TTN: variants seen among roughly 807,000 people sequenced by gnomAD.
TTN encodes the protein connectin.
TTN carries 1,525 observed loss-of-function variants against 3,223.0 expected under a neutral mutation model. The observed-to-expected ratio is 0.47, with a 90% CI of 0.45 to 0.49. The LOEUF (loss-of-function observed/expected upper bound fraction) is 0.49. Ranked by LOEUF, TTN falls within the 20% of genes least tolerant of loss-of-function variation. TTN has a pLI of 0.00. For missense variants in TTN, 40,786 were observed against 43,424.0 expected (o/e 0.94, Z 5.40); for synonymous variants, 14,094 against 15,161.0 (o/e 0.93, Z 5.17).
At chr2:178,794,240 T>C (rs569631078) in intron 8 of TTN, among the ~76,000 whole-genome samples, 159 bp downstream of exon 8, 13 of 152,364 alleles carry the variant, frequency 8.5e-5, no homozygotes, top group African/African-American at 2.9e-4. Context: ...CGACCACCTT[T>C]TGCTCAGAAA....
chr2:178,713,800 G>A (rs2077051934), intron 92 of TTN, 97 bp downstream of exon 92: 1 of 1,438,720 alleles, frequency 7.0e-7, no homozygotes, highest in African/African-American at 1.4e-5. Flanking sequence ...TCGGACTCAT[G>A]TTATCCTATA....
rs794727409 is a variant in TTN, at chr2:178,587,696, T to C, written c.63613A>G (p.Lys21205Glu). ...FAIVRGRPAPKVTWRKVGIDN... is the reference protein window; with the variant it reads ...FAIVRGRPAPEVTWRKVGIDN... The stretch of plus-strand genomic sequence containing the variant: ...ATGCCAACTTTTCGCCAAGTGACTT[T>C]AGGGGCTGGTCGTCCTCTCACTATA... The change falls in exon 306 of 363, where the codon AAA (lysine) becomes GAA (glutamate). Residue 21205 changes from lysine to glutamate, a missense_variant. Physicochemically the swap from Lys to Glu is moderately conservative, Grantham distance 56. Coordinates refer to ENST00000589042, the MANE Select transcript of TTN (RefSeq NM_001267550.2). 6.2e-6 allele frequency: 10 copies of C among 1,612,830 alleles called. No individual in the cohort carries two copies. The highest frequency in any genetic ancestry group is 1.7e-5 in the Admixed American group (1 of 59,932).
chr2:178,748,965 T>C (rs1281375402), intron 47 of TTN: 24 of 1,612,524 alleles, frequency 1.5e-5, no homozygotes, highest in Non-Finnish European at 2.0e-5. Context: ...ATTGATGTTC[T>C]GGTAGGTCTT....
chr2:178,669,723 G>T (rs1186786562), intron 157 of TTN, 48 bp from the exon 158 acceptor site: 1 of 1,586,180 alleles, frequency 6.3e-7, no homozygotes, highest in South Asian at 1.1e-5. Context: ...TTATAGTTGG[G>T]TGTAAACATA....
rs574186837 is a variant in TTN, at chr2:178,806,441, C to T, written c.-14+771G>A. Among the ~76,000 whole-genome samples the T allele has an allele frequency of 1.1e-3, 162 of 152,258 alleles. 5 individuals are homozygous for T. The South Asian group carries it at 0.032, about 30-fold the overall frequency. On this transcript the variant is annotated intron_variant, in intron 1 of 362. Coordinates refer to ENST00000589042, the MANE Select transcript of TTN (RefSeq NM_001267550.2). ...CCTTTCCTTTAAACATTATTTCTTA[C>T]CCTTCTTAGTGTCAACATTTATCTC... is the stretch of plus-strand genomic sequence containing the variant.
chr2:178,572,372 C>T lies in TTN; in HGVS notation c.73760G>A (p.Cys24587Tyr), dbSNP rs1326848733. 6.2e-7 allele frequency: 1 copy of T among 1,613,022 alleles called. No homozygotes were observed. The highest frequency in any genetic ancestry group is 2.2e-5 in the East Asian group (1 of 44,724). Residue 24587 changes from cysteine (C) to tyrosine (Y), a missense_variant, in exon 326 of 363, where the codon TGT becomes TAT. Coordinates refer to ENST00000589042, the MANE Select transcript of TTN (RefSeq NM_001267550.2). Reference protein sequence around the residue: ...SWKVDQLQEGCSYYFRVLAEN... With the variant: ...SWKVDQLQEGYSYYFRVLAEN... ...TGCGAGAACCCTGAAATAGTAGCTACAGCCTTCTTGAAGCTGGTCTACCTT... is the reference window on the plus strand; with the variant it reads ...TGCGAGAACCCTGAAATAGTAGCTATAGCCTTCTTGAAGCTGGTCTACCTT...
intron 6 of TTN, among the ~76,000 whole-genome samples, chr2:178,796,288 T>A (rs1561479839): frequency 6.6e-6 from 1 of 152,232 alleles, no homozygotes; most frequent in Non-Finnish European, 1.5e-5. Context: ...TATCATTGCA[T>A]TTTATTAATT....
At chr2:178,687,679 G>T (rs563135939) in intron 127 of TTN, among the ~76,000 whole-genome samples, 1 of 152,018 alleles carries the variant, frequency 6.6e-6, no homozygotes, top group African/African-American at 2.4e-5. Flanking sequence ...AAAATTAAAG[G>T]ATTATAATAT....
At chr2:178,612,207 G>A in intron 266 of TTN, 45 bp from the exon 267 acceptor site, 1 of 1,604,630 alleles carries the variant, frequency 6.2e-7, no homozygotes, top group Non-Finnish European at 8.5e-7. Flanking sequence ...GAGGAAAGGT[G>A]ATAATCTCCT....
rs749354699 is a variant in TTN at position 178,531,100 on chromosome 2, G to A, written c.105515C>T (p.Ser35172Phe). ...WLRKGQVLSTSARHQVTTTKY... is the reference protein window; with the variant it reads ...WLRKGQVLSTFARHQVTTTKY... ...TGTGGTGGTCACTTGGTGGCGGGCA[G>A]AAGTACTTAGCACTTGTCCTTTACG... The change falls in exon 358 of 363, where the codon TCT becomes TTT. Residue 35172 changes from serine (S) to phenylalanine (F), a missense_variant. Ser to Phe is a radical substitution (Grantham distance 155, BLOSUM62 -2). Transcript: ENST00000589042. 7 of 1,612,824 alleles carry A rather than the reference G, an allele frequency of 4.3e-6. No individual in the cohort carries two copies. The Admixed American group carries it at 1.2e-4, about 27-fold the overall frequency.
rs779262111 is a variant in TTN, at chr2:178,757,891, T to C, written c.10329A>G (p.Thr3443=). ...AAGAGACATGCCATTGGGAGTTTGA[T>C]GTATTTTCTTCAAATTTGCTAAATC... ...LEGFSKFEEN[T]SNSQWHVSLS... is the part of the protein sequence containing the mutation. The change falls in exon 45 of 363, where the codon ACA becomes ACG. Residue 3443 remains threonine, a synonymous_variant. Coordinates refer to ENST00000589042, the MANE Select transcript of TTN (RefSeq NM_001267550.2). 6.6e-7 allele frequency: 1 copy of C among 1,524,264 alleles called. No homozygotes were observed. Among genetic ancestry groups the C allele is most frequent in the Non-Finnish European group, 8.8e-7 (1 of 1,138,624 alleles). The allele number at this position is 1,524,264 out of a possible 1,614,324, so 94.4% of individuals were successfully genotyped here.
chr2:178,779,399 T>C lies in TTN; in HGVS notation c.3793A>G (p.Thr1265Ala). 1.3e-6 allele frequency: 2 copies of C among 1,591,546 alleles called. No homozygotes were observed. Among genetic ancestry groups the C allele is most frequent in the Non-Finnish European group, 1.7e-6 (2 of 1,161,126 alleles). Reference sequence around the variant, plus strand: ...TCTTCAAGAAGTTCTTCTAATGTAGTCTTTATTATTCTATATTCAATTTCT... The same window carrying C: ...TCTTCAAGAAGTTCTTCTAATGTAGCCTTTATTATTCTATATTCAATTTCT... ...IKEIEYRIIK[T>A]TLEELLEEDG... is the part of the protein sequence containing the mutation. The change falls in exon 23 of 363, where the codon ACT becomes GCT. Residue 1265 changes from threonine to alanine, a missense_variant. Transcript: ENST00000589042.
chr2:178,793,651 T>C, intron 8 of TTN, 110 bp from the exon 9 acceptor site: 2 of 1,492,734 alleles, frequency 1.3e-6, no homozygotes, highest in Non-Finnish European at 9.1e-7. Context: ...AATACAAAAA[T>C]TAGCTGGGTG....
In TTN at chr2:178,632,517, A is replaced by C; in HGVS notation, c.43480+9T>G. Reference sequence around the variant, plus strand: ...ATTTTGGGGTGGACTATTTGATAAAACTATTTACCTTCAATGATCAGTTTG... The same window carrying C: ...ATTTTGGGGTGGACTATTTGATAAACCTATTTACCTTCAATGATCAGTTTG... On this transcript the variant is annotated intron_variant, in intron 235 of 362. Transcript: ENST00000589042. 3 of 1,610,718 alleles carry C rather than the reference A, an allele frequency of 1.9e-6. No homozygotes were observed. The highest frequency in any genetic ancestry group is 2.5e-6 in the Non-Finnish European group (3 of 1,179,010).
intron 98 of TTN, 80 bp from the exon 99 acceptor site, chr2:178,709,936 T>G (rs756832182): frequency 1.5e-4 from 218 of 1,424,940 alleles, no homozygotes; most frequent in Non-Finnish European, 2.0e-4. Context: ...AAAAAAACCC[T>G]CATATTTTTA....
At chr2:178,666,274 A>G (rs1203026616) in intron 163 of TTN, among the ~76,000 whole-genome samples, 5 of 152,170 alleles carry the variant, frequency 3.3e-5, no homozygotes, top group Non-Finnish European at 5.9e-5. Context: ...CATGGGTGTT[A>G]TGATGAAATT....
At chr2:178,686,227 TCTC>T (rs779708774) in intron 127 of TTN, among the ~76,000 whole-genome samples, 2,488 of 140,446 alleles carry the variant, frequency 0.018, 63 homozygotes, top group African/African-American at 0.057. Context: ...TTCACGCCAT[TCTC>T]CTGCCTCAGC....
rs1344770836 is a variant in TTN at position 178,532,348 on chromosome 2, C to G, written c.104267G>C (p.Arg34756Thr). 10 of 1,613,902 alleles carry G rather than the reference C, an allele frequency of 6.2e-6. No homozygotes were observed. The highest frequency in any genetic ancestry group is 8.5e-6 in the Non-Finnish European group (10 of 1,179,894). Residue 34756 changes from arginine (R) to threonine (T), a missense_variant, in exon 358 of 363, where the codon AGA (arginine) becomes ACA (threonine). By Grantham distance (71) the Arg-to-Thr change is moderately conservative. Coordinates refer to ENST00000589042, the MANE Select transcript of TTN (RefSeq NM_001267550.2). ...LRERHAQAAY[R>T]QPKQRQRIMA... ...GATTCTTTGCCGTTGCTTTGGCTGT[C>G]TGTACGCAGCCTGGGCATGCCGTTC...
rs768562722 is a variant in TTN, at chr2:178,649,861, T to C, written c.39851A>G (p.Lys13284Arg). 2.5e-6 allele frequency: 4 copies of C among 1,612,690 alleles called. No individual in the cohort carries two copies. The highest frequency in any genetic ancestry group is 3.4e-6 in the Non-Finnish European group (4 of 1,179,474). The change falls in exon 211 of 363, where the codon AAG (lysine) becomes AGG (arginine). Residue 13284 changes from lysine (K) to arginine (R), a missense_variant. Physicochemically the swap from Lys to Arg is conservative, Grantham distance 26. Coordinates refer to ENST00000589042, the MANE Select transcript of TTN (RefSeq NM_001267550.2). The part of the protein sequence containing the change: ...PEEPKKIIPE[K>R]KVPVIKKPEA... ...TGGTTTTTTGATGACAGGAACTTTC[T>C]TCTCTGGGATGATCTTCTTGGGCTC...
Sources: gnomAD v4.1 joint callset for allele counts (sites outside exome capture counted in the v4.1 genomes callset) on GRCh38, gnomAD v4.1.1 for gene constraint, MANE v1.5 for transcripts, NCBI Gene and HGNC (gene_info 2026-07-23, HGNC 2026-07-21) for gene names.